WDR72: variants seen among roughly 807,000 people sequenced by gnomAD.
WDR72 encodes WD repeat-containing protein 72.
In WDR72, 120 loss-of-function variants were observed where a neutral mutation model predicts 124.2. The ratio of observed to expected loss-of-function variants is 0.97; its 90% CI spans 0.83 to 1.12. The LOEUF (loss-of-function observed/expected upper bound fraction) is 1.12. Among genes scored for constraint, WDR72 ranks in the 50% most tolerant of loss-of-function variants. WDR72 has a pLI of 0.00. For synonymous variants in WDR72, 452 were observed against 441.7 expected, an observed-to-expected ratio of 1.02 and a Z score of -0.29; for missense variants, 1,387 against 1,278.8, an observed-to-expected ratio of 1.08 and a Z score of -1.29.
intron 17 of WDR72, among the ~76,000 whole-genome samples, chr15:53,608,359 C>A (rs1228566397): frequency 6.6e-6 from 1 of 152,148 alleles, no homozygotes; most frequent in African/African-American, 2.4e-5. Context: ...GAGATCCTGT[C>A]ATTTGCAACA....
chr15:53,733,192 T>TGGTC, intron 1 of WDR72, 31 bp from the exon 2 acceptor site: 2 of 1,611,442 alleles, frequency 1.2e-6, no homozygotes, highest in East Asian at 4.5e-5. Flanking sequence ...GAAGCATACA[T>TGGTC]GGTCATCTTT....
chr15:53,580,042 G>A (rs1176178213), intron 18 of WDR72, among the ~76,000 whole-genome samples: 1 of 152,008 alleles, frequency 6.6e-6, no homozygotes, highest in African/African-American at 2.4e-5. Flanking sequence ...GGCTCTGCTA[G>A]GTGATTAACT....
chr15:53,692,520 T>C (rs1048191005), intron 13 of WDR72, among the ~76,000 whole-genome samples: 1 of 152,182 alleles, frequency 6.6e-6, no homozygotes, highest in African/African-American at 2.4e-5. Flanking sequence ...TTATGTAATA[T>C]AGAATAAAAA....
At chr15:53,649,712 A>G (rs1171858123) in intron 14 of WDR72, among the ~76,000 whole-genome samples, 1 of 152,204 alleles carries the variant, frequency 6.6e-6, no homozygotes, top group African/African-American at 2.4e-5. Context: ...AAAGAAATGC[A>G]AATCAAAACC....
At chr15:53,756,693 G>T (rs540109133) in intron 1 of WDR72, 30 of 152,294 alleles carry the variant, frequency 2.0e-4, no homozygotes, top group African/African-American at 7.0e-4. Flanking sequence ...TGTAGACACT[G>T]TGCTGCTTAG....
chr15:53,545,132 C>A (rs56231000), intron 18 of WDR72, among the ~76,000 whole-genome samples: 2 of 146,622 alleles, frequency 1.4e-5, no homozygotes, highest in Admixed American at 6.7e-5. Flanking sequence ...AAGCTACCAA[C>A]GACTTTCTTC....
At chr15:53,704,587 C>T (rs1415683143) in intron 11 of WDR72, among the ~76,000 whole-genome samples, 5 of 150,662 alleles carry the variant, frequency 3.3e-5, no homozygotes, top group East Asian at 2.0e-4. Flanking sequence ...AGTGCAGTGG[C>T]GTGATCTCAG....
In WDR72 at chr15:53,722,831, C is replaced by A. The variant is rs987690495; in HGVS notation, c.231G>T (p.Gln77His). 6.2e-7 allele frequency: 1 copy of A among 1,612,964 alleles called. No individual in the cohort carries two copies. Among genetic ancestry groups the A allele is most frequent in the Non-Finnish European group, 8.5e-7 (1 of 1,179,976 alleles). ...TTTCAGCAGCACTAACAATGTAGGG[C>A]TGTTTAGAGAAGTCCCTTGCTCTTG... ...CLARARDFSKQPYIVSAAENG... is the reference protein window; with the variant it reads ...CLARARDFSKHPYIVSAAENG... Residue 77 changes from glutamine to histidine, a missense_variant, in exon 3 of 20, where the codon CAG (glutamine) becomes CAT (histidine). Coordinates refer to ENST00000360509, the MANE Select transcript of WDR72 (RefSeq NM_182758.4).
At chr15:53,706,250 G>T (rs1043911302) in intron 9 of WDR72, among the ~76,000 whole-genome samples, 176 bp from the exon 10 acceptor site, 1 of 150,512 alleles carries the variant, frequency 6.6e-6, no homozygotes, top group African/African-American at 2.4e-5. Flanking sequence ...GACTAAAGAG[G>T]CTTTATAAAA....
In WDR72 at chr15:53,541,417, C is replaced by T. The variant is rs576224079; in HGVS notation, c.3149-18095G>A. 2.0e-5 allele frequency among the ~76,000 whole-genome samples: 3 copies of T among 151,770 alleles called. No homozygotes were observed. The East Asian group carries it at 5.8e-4, about 29-fold the overall frequency. Reference sequence around the variant, plus strand: ...TCACAAGGCAAGGTATTCCAACAGACCTGCAGCTGAGGGTCCTGTCTGTTA... The same window carrying T: ...TCACAAGGCAAGGTATTCCAACAGATCTGCAGCTGAGGGTCCTGTCTGTTA... On this transcript the variant is annotated intron_variant, in intron 18 of 19. Transcript: ENST00000360509.
At chr15:53,720,308 T>C (rs1381194) in intron 3 of WDR72, among the ~76,000 whole-genome samples, 97,453 of 151,994 alleles carry the variant, frequency 0.64, 32,635 homozygotes, top group Middle Eastern at 0.75. Flanking sequence ...GGGATCTTAT[T>C]ACTACATTAT....
chr15:53,566,601 C>T (rs1894304101), intron 18 of WDR72, among the ~76,000 whole-genome samples: 1 of 151,720 alleles, frequency 6.6e-6, no homozygotes, highest in African/African-American at 2.4e-5. Flanking sequence ...CTTGGGAAGT[C>T]ACCAGCATGG....
At chr15:53,535,121 CTA>C (rs1892693366) in intron 18 of WDR72, among the ~76,000 whole-genome samples, 2 of 152,122 alleles carry the variant, frequency 1.3e-5, no homozygotes, top group South Asian at 4.2e-4. Flanking sequence ...TAAGAATAGA[CTA>C]TGATCTCTAA....
At chr15:53,739,004 C>T (rs1302934910) in intron 1 of WDR72, among the ~76,000 whole-genome samples, 3 of 152,168 alleles carry the variant, frequency 2.0e-5, no homozygotes, top group Non-Finnish European at 4.4e-5. Context: ...TATGCACACA[C>T]ACATTTATTT....
At chr15:53,682,700 C>A (rs2016438331) in intron 13 of WDR72, among the ~76,000 whole-genome samples, 1 of 152,156 alleles carries the variant, frequency 6.6e-6, no homozygotes, top group South Asian at 2.1e-4. Context: ...TAAAGCATAA[C>A]AAGAGTCACC....
chr15:53,731,499 C>T (rs985527359), intron 2 of WDR72, among the ~76,000 whole-genome samples: 12 of 151,838 alleles, frequency 7.9e-5, no homozygotes, highest in African/African-American at 2.9e-4. Context: ...TGGCTCCACC[C>T]ACTACATGCC....
At chr15:53,554,159 T>C (rs534125853) in intron 18 of WDR72, among the ~76,000 whole-genome samples, 1 of 152,282 alleles carries the variant, frequency 6.6e-6, no homozygotes, top group South Asian at 2.1e-4. Context: ...GGTCCCCTTT[T>C]AGCTTTCAAC....
At chr15:53,642,495 A>C (rs1186351180) in intron 14 of WDR72, among the ~76,000 whole-genome samples, 1 of 152,042 alleles carries the variant, frequency 6.6e-6, no homozygotes, top group Non-Finnish European at 1.5e-5. Flanking sequence ...CATCAACAGC[A>C]TCATAATAAT....
At chr15:53,541,335 C>A (rs1027541614) in intron 18 of WDR72, among the ~76,000 whole-genome samples, 1 of 152,094 alleles carries the variant, frequency 6.6e-6, no homozygotes, top group Non-Finnish European at 1.5e-5. Context: ...GTCCCTGACC[C>A]CTGACCCCCG....
Sources: gnomAD v4.1 joint callset for allele counts (sites outside exome capture counted in the v4.1 genomes callset) on GRCh38, gnomAD v4.1.1 for gene constraint, MANE v1.5 for transcripts, NCBI Gene and HGNC (gene_info 2026-07-23, HGNC 2026-07-21) for gene names.